VWA8: variants seen among roughly 807,000 people sequenced by gnomAD.
VWA8 encodes von Willebrand factor A domain containing 8.
A neutral mutation model predicts 241.5 loss-of-function variants in VWA8; 221 were observed. The observed-to-expected ratio is 0.91, with a 90% CI of 0.82 to 1.02. The LOEUF (loss-of-function observed/expected upper bound fraction) is 1.02. Ranked by LOEUF, VWA8 falls within the 50% of genes least tolerant of loss-of-function variation. The pLI is 0.00. For missense variants in VWA8, 2,322 were observed against 2,328.7 expected (o/e 1.00, Z 0.06); for synonymous variants, 852 against 827.1 (o/e 1.03, Z -0.52).
intron 35 of VWA8, 67 bp from the exon 36 acceptor site, chr13:41,675,363 T>C (rs981434165): frequency 6.4e-5 from 77 of 1,196,296 alleles, no homozygotes; most frequent in Non-Finnish European, 9.1e-5. Context: ...GTGCTAAAAG[T>C]GGAATCAAGT....
intron 12 of VWA8, among the ~76,000 whole-genome samples, chr13:41,849,178 A>G (rs968386927): frequency 6.6e-6 from 1 of 152,212 alleles, no homozygotes; most frequent in African/African-American, 2.4e-5. Context: ...GTATTCAGAA[A>G]GTGATGTGGA....
chr13:41,768,579 C>A (rs1387270621), intron 20 of VWA8, among the ~76,000 whole-genome samples: 3 of 152,016 alleles, frequency 2.0e-5, no homozygotes, highest in African/African-American at 7.3e-5. Flanking sequence ...AAATCAAATG[C>A]TATGAAACGC....
rs146278814 is a variant in VWA8 at position 41,888,938 on chromosome 13, C to T, written c.652-1577G>A. The stretch of plus-strand genomic sequence containing the variant: ...AGTGAAAATCTGGATCTAGCCCTGT[C>T]TGAGAAACCAAAAGTAGAATCTTCA... On this transcript the variant is annotated intron_variant, in intron 5 of 44. Transcript: ENST00000379310. Among the ~76,000 whole-genome samples, 1,186 of 152,308 alleles carry T rather than the reference C, an allele frequency of 7.8e-3. 14 individuals are homozygous for T. The highest frequency in any genetic ancestry group is 0.026 in the African/African-American group (1,098 of 41,558).
intron 5 of VWA8, 33 bp from the exon 6 acceptor site, chr13:41,887,394 T>C: frequency 6.3e-7 from 1 of 1,588,236 alleles, no homozygotes; most frequent in Non-Finnish European, 8.5e-7. Flanking sequence ...AGCTATAGCA[T>C]AAATGATACA....
At chr13:41,869,460 CCT>C (rs1873478756) in intron 9 of VWA8, among the ~76,000 whole-genome samples, 1 of 151,524 alleles carries the variant, frequency 6.6e-6, no homozygotes, top group African/African-American at 2.4e-5. Context: ...ATGGTGAAAC[CCT>C]GTCTACTAAA....
intron 1 of VWA8, among the ~76,000 whole-genome samples, chr13:41,950,726 T>C (rs540632598): frequency 1.4e-5 from 2 of 147,114 alleles, no homozygotes; most frequent in Admixed American, 6.9e-5. Context: ...TGGAGTGCAG[T>C]GATGTGATCT....
chr13:41,822,971 G>A (rs1466189172), intron 14 of VWA8, among the ~76,000 whole-genome samples: 1 of 152,050 alleles, frequency 6.6e-6, no homozygotes. Context: ...CAGGAGTCGG[G>A]GATGACAAGG....
At chr13:41,827,332 G>A (rs1871220239) in intron 14 of VWA8, among the ~76,000 whole-genome samples, 1 of 152,090 alleles carries the variant, frequency 6.6e-6, no homozygotes, top group African/African-American at 2.4e-5. Context: ...TGGTGAAAGA[G>A]CTAAACATTA....
intron 41 of VWA8, among the ~76,000 whole-genome samples, chr13:41,588,875 A>G (rs528405193): frequency 6.6e-6 from 1 of 152,328 alleles, no homozygotes; most frequent in Non-Finnish European, 1.5e-5. Context: ...AATTCAACAT[A>G]TTTCTTAAAA....
At chr13:41,914,359 G>C (rs1006664078) in intron 2 of VWA8, among the ~76,000 whole-genome samples, 1 of 152,146 alleles carries the variant, frequency 6.6e-6, no homozygotes, top group African/African-American at 2.4e-5. Context: ...CAATCTATTA[G>C]GTAGTTTCAT....
At chr13:41,669,806 T>C (rs1451357730) in intron 37 of VWA8, among the ~76,000 whole-genome samples, 1 of 152,200 alleles carries the variant, frequency 6.6e-6, no homozygotes, top group Non-Finnish European at 1.5e-5. Flanking sequence ...CATAATTAAT[T>C]GGCTTTCTAA....
chr13:41,832,351 T>C (rs1490970943), intron 13 of VWA8, among the ~76,000 whole-genome samples: 4 of 152,234 alleles, frequency 2.6e-5, no homozygotes, highest in Admixed American at 1.3e-4. Flanking sequence ...GCTTCTATTA[T>C]TACTACTTGC....
At chr13:41,927,824 G>T (rs1353572582) in intron 2 of VWA8, among the ~76,000 whole-genome samples, 4 of 152,020 alleles carry the variant, frequency 2.6e-5, no homozygotes, top group Non-Finnish European at 4.4e-5. Flanking sequence ...AAAAAAAGGG[G>T]GGAATTCAAT....
At chr13:41,626,321 A>G (rs1289717383) in intron 37 of VWA8, among the ~76,000 whole-genome samples, 1 of 152,178 alleles carries the variant, frequency 6.6e-6, no homozygotes, top group African/African-American at 2.4e-5. Context: ...AAGACTCAAC[A>G]TTGTTAAAAT....
intron 2 of VWA8, among the ~76,000 whole-genome samples, chr13:41,948,702 T>C (rs1270409045): frequency 6.6e-6 from 1 of 152,186 alleles, no homozygotes. Flanking sequence ...AACAGGCATC[T>C]ATAGTATGAC....
chr13:41,830,858 G>T (rs956426961), intron 13 of VWA8, among the ~76,000 whole-genome samples: 1 of 152,056 alleles, frequency 6.6e-6, no homozygotes, highest in African/African-American at 2.4e-5. Flanking sequence ...ATAAATATTT[G>T]ATAGGGATAT....
At chr13:41,735,738 C>A (rs1480259679) in intron 21 of VWA8, among the ~76,000 whole-genome samples, 1 of 152,030 alleles carries the variant, frequency 6.6e-6, no homozygotes, top group Non-Finnish European at 1.5e-5. Context: ...CTGCATAAGA[C>A]TTAATACAAT....
intron 1 of VWA8, chr13:41,955,802 A>G (rs1344965304): frequency 1.3e-5 from 2 of 152,222 alleles, no homozygotes; most frequent in South Asian, 2.1e-4. Context: ...TTTGGTAACA[A>G]ATAGATGAGT....
At chr13:41,870,876 G>C (rs1040995602) in intron 9 of VWA8, among the ~76,000 whole-genome samples, 6 of 152,070 alleles carry the variant, frequency 3.9e-5, no homozygotes, top group African/African-American at 1.4e-4. Flanking sequence ...AATAAAAATA[G>C]TAGGCCAGAA....
Sources: gnomAD v4.1 joint callset for allele counts (sites outside exome capture counted in the v4.1 genomes callset) on GRCh38, gnomAD v4.1.1 for gene constraint, MANE v1.5 for transcripts, NCBI Gene and HGNC (gene_info 2026-07-23, HGNC 2026-07-21) for gene names.